The following TUBA3C variants were observed in gnomAD, a reference collection of about 807,000 sequenced individuals.
TUBA3C encodes tubulin alpha 3c.
Under a neutral mutation model 33.4 loss-of-function variants are expected in TUBA3C, and 23 were observed. The ratio of observed to expected loss-of-function variants is 0.69; its 90% confidence interval spans 0.50 to 0.98. The LOEUF is 0.98. TUBA3C is among the 50% of genes least tolerant of loss of function. TUBA3C has a pLI of 0.00. For missense variants in TUBA3C, 402 were observed against 616.0 expected (o/e 0.65, Z 3.68); for synonymous variants, 269 against 250.4 (o/e 1.07, Z -0.70).
chr13:19,180,435 C>G (rs1048235125), intron 1 of TUBA3C, among the ~76,000 whole-genome samples: 1 of 152,006 alleles, frequency 6.6e-6, no homozygotes, highest in Non-Finnish European at 1.5e-5. Context: ...GCCTGTAATT[C>G]CAGCACTTTG....
At position 19,177,662 on chromosome 13, in the gene TUBA3C, TCCA is replaced by T. The variant is rs1248687619; in HGVS notation, c.376-58_376-56del. ...GCCCGTGGAAGCCACACCACCAACC[TCCA>T]CCAAGCCAGGGCCACTTCTCTGCCT... is the stretch of plus-strand genomic sequence containing the variant. On this transcript the variant is annotated intron_variant, in intron 3 of 4. Coordinates refer to ENST00000400113, the MANE Select transcript of TUBA3C (RefSeq NM_006001.3). The surrounding 1 kb of genome is among the most constrained non-coding windows in gnomAD (Gnocchi z 5.0). 1.3e-6 allele frequency: 2 copies of T among 1,522,700 alleles called. No individual in the cohort carries two copies. Among genetic ancestry groups the T allele is most frequent in the African/African-American group, 2.8e-5 (2 of 71,786 alleles). 94.3% of individuals were successfully genotyped at this position (1,522,700 alleles called of 1,614,324 possible).
intron 1 of TUBA3C, 78 bp downstream of exon 1, chr13:19,181,667 C>T: frequency 3.1e-6 from 5 of 1,592,722 alleles, no homozygotes; most frequent in Non-Finnish European, 4.3e-6. Context: ...AGCATCCCTC[C>T]ATCCAGCCAC....
chr13:19,179,279 C>T lies in TUBA3C; in HGVS notation c.226+62G>A, dbSNP rs773380702. ...AGGATTCAAAGGAGCCCACATGGGG[C>T]CTTACCGACGATGCTCTCCCACCCT... On this transcript the variant is annotated intron_variant, in intron 2 of 4. Coordinates refer to ENST00000400113, the MANE Select transcript of TUBA3C (RefSeq NM_006001.3). The T allele has an allele frequency of 3.7e-6, 6 of 1,600,810 alleles. No individual in the cohort carries two copies. In the Admixed American group the frequency reaches 6.7e-5, roughly 18 times the overall value.
chr13:19,174,003 C>G lies in TUBA3C; in HGVS notation c.1213G>C (p.Val405Leu). 1.2e-6 allele frequency: 2 copies of G among 1,612,718 alleles called. No homozygotes were observed. Among genetic ancestry groups the G allele is most frequent in the South Asian group, 2.2e-5 (2 of 91,048 alleles). Residue 405 changes from valine to leucine, a missense_variant, in exon 5 of 5, where the codon GTG becomes CTG. Val to Leu is a conservative substitution (Grantham distance 32, BLOSUM62 1). Coordinates refer to ENST00000400113, the MANE Select transcript of TUBA3C (RefSeq NM_006001.3). ...ATGCCTTCTCCCACGTACCAGTGCA[C>G]AAAGGCCCGCTTGGCATACATGAGA... ...FDLMYAKRAF[V>L]HWYVGEGMEE...
intron 4 of TUBA3C, among the ~76,000 whole-genome samples, chr13:19,175,208 C>T (rs2774493): frequency 0.55 from 84,191 of 151,968 alleles, 24,102 homozygotes; most frequent in Non-Finnish European, 0.64. Flanking sequence ...GCCAAGATCA[C>T]GCCACTGCAC....
intron 2 of TUBA3C, among the ~76,000 whole-genome samples, chr13:19,178,940 C>T (rs921218129): frequency 2.0e-5 from 3 of 152,120 alleles, no homozygotes; most frequent in Non-Finnish European, 4.4e-5. Context: ...CTGGAGGAAG[C>T]AAATGACTGT....
chr13:19,178,215 A>G, intron 3 of TUBA3C, 31 bp downstream of exon 3: 1 of 1,613,308 alleles, frequency 6.2e-7, no homozygotes, highest in South Asian at 1.1e-5. Context: ...CCTGTGCAGG[A>G]CAATGGTCAC....
Position 19,173,943 on chromosome 13 carries a change from G to A in TUBA3C, c.1273C>T (p.Leu425=). ...EGEFSEARED[L]AALEKDYEEV... ...TCATAATCCTTCTCCAGAGCTGCCA[G>A]GTCCTCGCGGGCCTCAGAGAACTCC... The change falls in exon 5 of 5, where the codon CTG becomes TTG. Residue 425 remains leucine (L), a synonymous_variant. Coordinates refer to ENST00000400113, the MANE Select transcript of TUBA3C (RefSeq NM_006001.3). The A allele has an allele frequency of 6.2e-7, 1 of 1,614,044 alleles. No homozygotes were observed. The highest frequency in any genetic ancestry group is 8.5e-7 in the Non-Finnish European group (1 of 1,180,034).
Position 19,177,060 on chromosome 13 carries a change from C to G in TUBA3C, c.923G>C (p.Arg308Pro). Residue 308 changes from arginine (R) to proline (P), a missense_variant, in exon 4 of 5, where the codon CGC becomes CCC. Physicochemically the swap from Arg to Pro is moderately radical, Grantham distance 103. Coordinates refer to ENST00000400113, the MANE Select transcript of TUBA3C (RefSeq NM_006001.3). This position sits in a 1 kb window ranked among gnomAD's most constrained non-coding sequence, Gnocchi z 5.0. ...PANQMVKCDP[R>P]HGKYMACCML... Reference sequence around the variant, plus strand: ...GCAGCAGGCCATGTACTTGCCGTGGCGAGGGTCACACTTGACCATCTGATT... The same window carrying G: ...GCAGCAGGCCATGTACTTGCCGTGGGGAGGGTCACACTTGACCATCTGATT... 1 of 1,614,122 alleles carries G rather than the reference C, an allele frequency of 6.2e-7. No individual in the cohort carries two copies. The highest frequency in any genetic ancestry group is 8.5e-7 in the Non-Finnish European group (1 of 1,180,038).
At chr13:19,181,724 G>T (rs1419888063) in intron 1 of TUBA3C, 21 bp downstream of exon 1, 1 of 1,601,946 alleles carries the variant, frequency 6.2e-7, no homozygotes, top group East Asian at 2.2e-5. Context: ...CGTCTGCGGG[G>T]TGGGAGTGAC....
Position 19,177,731 on chromosome 13 carries a change from C to G in TUBA3C, c.376-124G>C, listed in dbSNP as rs537360495. 1.6e-6 allele frequency: 2 copies of G among 1,250,928 alleles called. No homozygotes were observed. The highest frequency in any genetic ancestry group is 2.2e-6 in the Non-Finnish European group (2 of 916,800). The allele number at this position is 1,250,928 out of a possible 1,614,324, so 77.5% of individuals were successfully genotyped here. ...GGATTCCAATCATCCATAATAAACA[C>G]GCAGTACACTCTGAAGCAAAGAAAA... is the stretch of plus-strand genomic sequence containing the variant. On this transcript the variant is annotated intron_variant, in intron 3 of 4. Transcript: ENST00000400113. This position sits in a 1 kb window ranked among gnomAD's most constrained non-coding sequence, Gnocchi z 5.0.
In TUBA3C at chr13:19,176,725, C is replaced by CAAAAAAAAAAAAAAAAAAAAAAA. The variant is rs55746544; in HGVS notation, c.1056+179_1056+201dup. Among the ~76,000 whole-genome samples the CAAAAAAAAAAAAAAAAAAAAAAA allele has an allele frequency of 3.2e-4, 11 of 34,606 alleles. 3 individuals are homozygous for CAAAAAAAAAAAAAAAAAAAAAAA. Among genetic ancestry groups the CAAAAAAAAAAAAAAAAAAAAAAA allele is most frequent in the Non-Finnish European group, 5.0e-4 (8 of 16,100 alleles). The allele number at this position is 34,606 out of a possible 152,430, so 22.7% of individuals were successfully genotyped here. On this transcript the variant is annotated intron_variant, in intron 4 of 4. Coordinates refer to ENST00000400113, the MANE Select transcript of TUBA3C (RefSeq NM_006001.3). Reference sequence around the variant, plus strand: ...TGGGCGACAAAGCTAGACTCTGCCTCAAAAAAAAAAAAAAAAAAAAAAAAA... The same window carrying CAAAAAAAAAAAAAAAAAAAAAAA: ...TGGGCGACAAAGCTAGACTCTGCCTCAAAAAAAAAAAAAAAAAAAAAAAAAAAAAAAAAAAAAAAAAAAAAAAA...
chr13:19,176,788 T>C (rs975897205), intron 4 of TUBA3C, 139 bp downstream of exon 4: 1 of 512,352 alleles, frequency 2.0e-6, no homozygotes, highest in Non-Finnish European at 3.2e-6. Context: ...ATCACTCTGG[T>C]TCACTAATTG....
At position 19,176,725 on chromosome 13, in the gene TUBA3C, C is replaced by CAAAAAAAAAAAAAAAAA. The variant is rs55746544; in HGVS notation, c.1056+185_1056+201dup. Among the ~76,000 whole-genome samples, 38 of 34,602 alleles carry CAAAAAAAAAAAAAAAAA rather than the reference C, an allele frequency of 1.1e-3. 11 individuals are homozygous for CAAAAAAAAAAAAAAAAA. Among genetic ancestry groups the CAAAAAAAAAAAAAAAAA allele is most frequent in the Non-Finnish European group, 1.9e-3 (31 of 16,100 alleles). 22.7% of individuals were successfully genotyped at this position (34,602 alleles called of 152,430 possible). A position where few individuals can be genotyped will look rare whatever the true frequency, so the allele number is the denominator to read the frequency against. On this transcript the variant is annotated intron_variant, in intron 4 of 4. Coordinates refer to ENST00000400113, the MANE Select transcript of TUBA3C (RefSeq NM_006001.3). The stretch of plus-strand genomic sequence containing the variant: ...TGGGCGACAAAGCTAGACTCTGCCT[C>CAAAAAAAAAAAAAAAAA]AAAAAAAAAAAAAAAAAAAAAAAAA...
At chr13:19,174,412 T>G (rs9507556) in intron 4 of TUBA3C, among the ~76,000 whole-genome samples, 6,308 of 150,092 alleles carry the variant, frequency 0.042, 164 homozygotes, top group Middle Eastern at 0.07. Flanking sequence ...AGGATTACAG[T>G]CATGAGGCAG....
At position 19,177,680 on chromosome 13, in the gene TUBA3C, C is replaced by T; in HGVS notation, c.376-73G>A. On this transcript the variant is annotated intron_variant, in intron 3 of 4. Transcript: ENST00000400113. This position sits in a 1 kb window ranked among gnomAD's most constrained non-coding sequence, Gnocchi z 5.0. ...ACCAACCTCCACCAAGCCAGGGCCA[C>T]TTCTCTGCCTCTGAAGACTTGATAT... 6.6e-7 allele frequency: 1 copy of T among 1,506,522 alleles called. No individual in the cohort carries two copies. Among genetic ancestry groups the T allele is most frequent in the Admixed American group, 2.3e-5 (1 of 43,304 alleles). 93.3% of individuals were successfully genotyped at this position (1,506,522 alleles called of 1,614,324 possible).
intron 2 of TUBA3C, among the ~76,000 whole-genome samples, chr13:19,179,107 C>T (rs1565972003): frequency 1.3e-5 from 2 of 152,338 alleles, no homozygotes; most frequent in East Asian, 1.9e-4. Context: ...TCTCCACAGC[C>T]CATCTTACTG....
In TUBA3C at chr13:19,177,309, G is replaced by T; in HGVS notation, c.674C>A (p.Thr225Asn). 1 of 1,614,186 alleles carries T rather than the reference G, an allele frequency of 6.2e-7. No individual in the cohort carries two copies. The part of the protein sequence containing the change: ...RNLDIERPTY[T>N]NLNRLIGQIV... ...CTGCCCAATCAGGCGATTGAGGTTG[G>T]TGTACGTGGGACGCTCGATGTCCAG... The change falls in exon 4 of 5, where the codon ACC (threonine) becomes AAC (asparagine). Residue 225 changes from threonine to asparagine, a missense_variant. Coordinates refer to ENST00000400113, the MANE Select transcript of TUBA3C (RefSeq NM_006001.3). This position sits in a 1 kb window ranked among gnomAD's most constrained non-coding sequence, Gnocchi z 5.0.
At position 19,177,362 on chromosome 13, in the gene TUBA3C, T is replaced by C. The variant is rs756314878; in HGVS notation, c.621A>G (p.Glu207=). 33 of 1,613,998 alleles carry C rather than the reference T, an allele frequency of 2.0e-5. No homozygotes were observed. The highest frequency in any genetic ancestry group is 2.6e-5 in the Non-Finnish European group (31 of 1,180,028). ...TGCGCCGACATATGTCATAGATGGC[T>C]TCATTGTCGACCATGAAGGCACAGT... The part of the protein sequence containing the change: ...HSDCAFMVDN[E]AIYDICRRNL... Residue 207 remains glutamate (E), a synonymous_variant, in exon 4 of 5, where the codon GAA becomes GAG. Coordinates refer to ENST00000400113, the MANE Select transcript of TUBA3C (RefSeq NM_006001.3). The surrounding 1 kb of genome is among the most constrained non-coding windows in gnomAD (Gnocchi z 5.0).
Sources: gnomAD v4.1 joint callset for allele counts (sites outside exome capture counted in the v4.1 genomes callset) on GRCh38, gnomAD v4.1.1 for gene constraint, Gnocchi (gnomAD v3.1) non-coding constraint, MANE v1.5 for transcripts, NCBI Gene and HGNC (gene_info 2026-07-23, HGNC 2026-07-21) for gene names.